HS3ST3A1: variants seen among roughly 807,000 people sequenced by gnomAD.
HS3ST3A1 encodes heparan sulfate glucosamine 3-O-sulfotransferase 3A1.
In HS3ST3A1, 19 loss-of-function variants were observed where a neutral mutation model predicts 25.7. The observed-to-expected ratio is 0.74, with a 90% CI of 0.52 to 1.08. HS3ST3A1 has a LOEUF of 1.08. Ranked by LOEUF, HS3ST3A1 falls within the 50% of genes least tolerant of loss-of-function variation. The probability of loss-of-function intolerance (pLI) is 0.00; values close to 1 mark genes in which losing one functional copy is unlikely to be tolerated. For missense variants in HS3ST3A1, 459 were observed against 594.3 expected (o/e 0.77, Z 2.37); for synonymous variants, 226 against 278.6 (o/e 0.81, Z 1.88).
chr17:13,502,078 C>T (rs1218841537), intron 1 of HS3ST3A1, among the ~76,000 whole-genome samples: 1 of 152,090 alleles, frequency 6.6e-6, no homozygotes, highest in African/African-American at 2.4e-5. Flanking sequence ...AACATCATGC[C>T]ACTCTACCGT....
chr17:13,550,339 G>A (rs1022357016), intron 1 of HS3ST3A1, among the ~76,000 whole-genome samples: 10 of 152,098 alleles, frequency 6.6e-5, no homozygotes, highest in African/African-American at 2.4e-4. Context: ...TTCCAGTATG[G>A]CATAAGGTGT....
intron 1 of HS3ST3A1, among the ~76,000 whole-genome samples, chr17:13,591,835 T>G (rs1908434671): frequency 6.6e-6 from 1 of 152,020 alleles, no homozygotes; most frequent in Non-Finnish European, 1.5e-5. Context: ...AATTTTTGTA[T>G]TTTTAGTAGA....
intron 1 of HS3ST3A1, among the ~76,000 whole-genome samples, chr17:13,583,922 G>T (rs1261249813): frequency 1.3e-5 from 2 of 152,204 alleles, no homozygotes; most frequent in African/African-American, 4.8e-5. Context: ...CATTGGTTTG[G>T]TTTTCTCACT....
chr17:13,504,864 C>A (rs1567609003), intron 1 of HS3ST3A1, among the ~76,000 whole-genome samples: 1 of 152,156 alleles, frequency 6.6e-6, no homozygotes, highest in Non-Finnish European at 1.5e-5. Context: ...ACAGCAGCTG[C>A]CCCTCACATG....
At chr17:13,518,597 T>C (rs777021040) in intron 1 of HS3ST3A1, among the ~76,000 whole-genome samples, 1 of 152,228 alleles carries the variant, frequency 6.6e-6, no homozygotes, top group Non-Finnish European at 1.5e-5. Context: ...TTCTTGATAC[T>C]TAGTTTATCC....
intron 1 of HS3ST3A1, among the ~76,000 whole-genome samples, chr17:13,575,442 A>G (rs1244982921): frequency 6.6e-6 from 1 of 152,190 alleles, no homozygotes; most frequent in African/African-American, 2.4e-5. Context: ...TAGAGCATGA[A>G]TCTATACCTT....
At chr17:13,589,610 AAC>A (rs1179702027) in intron 1 of HS3ST3A1, among the ~76,000 whole-genome samples, 1 of 152,178 alleles carries the variant, frequency 6.6e-6, no homozygotes, top group Non-Finnish European at 1.5e-5. Context: ...CAAAAAAGCA[AAC>A]ACACAACATT....
At chr17:13,586,239 A>G (rs113730798) in intron 1 of HS3ST3A1, among the ~76,000 whole-genome samples, 4 of 152,022 alleles carry the variant, frequency 2.6e-5, no homozygotes, top group African/African-American at 4.8e-5. Context: ...ACACAGTGTT[A>G]TAAGTCCTAC....
At chr17:13,580,148 T>C (rs568141783) in intron 1 of HS3ST3A1, among the ~76,000 whole-genome samples, 1 of 151,960 alleles carries the variant, frequency 6.6e-6, no homozygotes, top group East Asian at 1.9e-4. Context: ...TTCAAATCAC[T>C]ATGCTGATAA....
At chr17:13,574,412 C>T (rs888753880) in intron 1 of HS3ST3A1, among the ~76,000 whole-genome samples, 7 of 151,106 alleles carry the variant, frequency 4.6e-5, no homozygotes, top group African/African-American at 1.5e-4. Context: ...CCACTGCGCC[C>T]GGCCCTATCA....
intron 1 of HS3ST3A1, among the ~76,000 whole-genome samples, chr17:13,542,161 C>T (rs148449835): frequency 7.6e-4 from 115 of 152,038 alleles, no homozygotes; most frequent in African/African-American, 2.6e-3. Flanking sequence ...AACTGCATCC[C>T]TATAAAAAAT....
At chr17:13,588,874 C>T (rs1381886173) in intron 1 of HS3ST3A1, among the ~76,000 whole-genome samples, 1 of 152,048 alleles carries the variant, frequency 6.6e-6, no homozygotes, top group Non-Finnish European at 1.5e-5. Context: ...TTAGTAGAGA[C>T]GGGGTTTCAC....
At chr17:13,531,584 A>G (rs1906609131) in intron 1 of HS3ST3A1, among the ~76,000 whole-genome samples, 2 of 151,662 alleles carry the variant, frequency 1.3e-5, no homozygotes, top group South Asian at 4.2e-4. Context: ...CAAGTCTCAA[A>G]AAACATGTAA....
At chr17:13,500,567 G>A (rs561102578) in intron 1 of HS3ST3A1, among the ~76,000 whole-genome samples, 5 of 152,190 alleles carry the variant, frequency 3.3e-5, no homozygotes, top group Non-Finnish European at 7.3e-5. Flanking sequence ...ACTGGATGAT[G>A]GGAGGCATAG....
intron 1 of HS3ST3A1, among the ~76,000 whole-genome samples, chr17:13,554,145 C>T (rs1398548349): frequency 3.9e-5 from 6 of 152,258 alleles, no homozygotes; most frequent in African/African-American, 1.4e-4. Context: ...GCAAGACATT[C>T]GATTGTACCT....
chr17:13,507,647 G>T (rs544157445), intron 1 of HS3ST3A1, among the ~76,000 whole-genome samples: 1 of 152,286 alleles, frequency 6.6e-6, no homozygotes, highest in South Asian at 2.1e-4. Flanking sequence ...TCCTGCAAAG[G>T]GAAGTCCCTG....
chr17:13,530,027 C>CACACAA (rs1906556818), intron 1 of HS3ST3A1, among the ~76,000 whole-genome samples: 1 of 151,734 alleles, frequency 6.6e-6, no homozygotes, highest in African/African-American at 2.4e-5. Context: ...CACACACACA[C>CACACAA]ACACATACAC....
intron 1 of HS3ST3A1, among the ~76,000 whole-genome samples, chr17:13,514,452 G>A (rs1905987070): frequency 1.3e-5 from 2 of 152,064 alleles, no homozygotes; most frequent in Admixed American, 1.3e-4. Context: ...TTAAAATTAT[G>A]AACAAGTACC....
intron 1 of HS3ST3A1, among the ~76,000 whole-genome samples, chr17:13,507,550 G>A (rs1905724476): frequency 1.3e-5 from 2 of 152,268 alleles, no homozygotes; most frequent in Non-Finnish European, 1.5e-5. Flanking sequence ...ATCCATCTCT[G>A]AATGCAAATC....
Sources: gnomAD v4.1 joint callset for allele counts (sites outside exome capture counted in the v4.1 genomes callset) on GRCh38, gnomAD v4.1.1 for gene constraint, MANE v1.5 for transcripts, NCBI Gene and HGNC (gene_info 2026-07-23, HGNC 2026-07-21) for gene names.